The following CYYR1 variants were observed in gnomAD, a reference collection of about 807,000 sequenced individuals.
CYYR1 encodes cysteine and tyrosine-rich protein 1.
A neutral mutation model predicts 15.2 loss-of-function variants in CYYR1; 14 were observed. The ratio of observed to expected loss-of-function variants is 0.92; its 90% CI spans 0.61 to 1.44. The LOEUF (loss-of-function observed/expected upper bound fraction) is 1.44, where lower values mean the gene tolerates loss of function less well. Among genes scored for constraint, CYYR1 ranks in the 40% most tolerant of loss-of-function variants. The pLI, the probability that CYYR1 is intolerant of heterozygous loss-of-function variation, is 0.00. For missense variants in CYYR1, 228 were observed against 209.5 expected (o/e 1.09, Z -0.54); for synonymous variants, 80 against 77.4 (o/e 1.03, Z -0.18).
chr21:26,568,326 G>T (rs1442801503), intron 1 of CYYR1: 1 of 152,144 alleles, frequency 6.6e-6, no homozygotes, highest in Non-Finnish European at 1.5e-5. Context: ...ACAGCCATCT[G>T]ATCTTTGACA....
chr21:26,533,101 C>G (rs2065952909), intron 2 of CYYR1, among the ~76,000 whole-genome samples: 1 of 150,994 alleles, frequency 6.6e-6, no homozygotes, highest in Non-Finnish European at 1.5e-5. Context: ...ATCTCATGAG[C>G]CAATTCCCAT....
chr21:26,536,524 T>C (rs1978303366), intron 2 of CYYR1, among the ~76,000 whole-genome samples: 1 of 152,148 alleles, frequency 6.6e-6, no homozygotes, highest in Non-Finnish European at 1.5e-5. Context: ...TTAAACACCA[T>C]TGCCTCCATT....
intron 3 of CYYR1, chr21:26,470,608 G>C (rs1457724169): frequency 6.6e-6 from 1 of 152,374 alleles, no homozygotes; most frequent in Non-Finnish European, 1.5e-5. Context: ...AATTTCCTGA[G>C]GACTCGCCAG....
intron 2 of CYYR1, among the ~76,000 whole-genome samples, chr21:26,509,049 C>A (rs2065609137): frequency 6.6e-6 from 1 of 152,152 alleles, no homozygotes; most frequent in Admixed American, 6.5e-5. Flanking sequence ...AGAAATCAAA[C>A]CATATTGCTA....
At chr21:26,468,674 A>G (rs1227517981) in intron 3 of CYYR1, 40 bp from the exon 4 acceptor site, 19 of 1,466,872 alleles carry the variant, frequency 1.3e-5, no homozygotes, top group Admixed American at 1.9e-5. Flanking sequence ...GAGTTAGCAA[A>G]TATTTGCATT....
At position 26,466,479 on chromosome 21, in the gene CYYR1, C is replaced by T. The variant is rs1448928775; in HGVS notation, c.*2022G>A. The T allele has an allele frequency of 6.6e-6, 1 of 152,014 alleles. No individual in the cohort carries two copies. Among genetic ancestry groups the T allele is most frequent in the Non-Finnish European group, 1.5e-5 (1 of 67,998 alleles). 9.4% of individuals were successfully genotyped at this position (152,014 alleles called of 1,614,324 possible). ...GGTTTGTAAAATGCCTTAAGGGAGG[C>T]CATAAACAACTCAAAGAAGAGATGG... On this transcript the variant is annotated 3_prime_UTR_variant, in exon 4 of 4. Coordinates refer to ENST00000652641, the MANE Select transcript of CYYR1 (RefSeq NM_001320768.2).
At chr21:26,553,887 G>T (rs1316417391) in intron 2 of CYYR1, among the ~76,000 whole-genome samples, 1 of 152,156 alleles carries the variant, frequency 6.6e-6, no homozygotes, top group Non-Finnish European at 1.5e-5. Flanking sequence ...TGAATAAAAA[G>T]AAACTCATTT....
chr21:26,478,772 T>A (rs2065135336), intron 3 of CYYR1, among the ~76,000 whole-genome samples: 1 of 152,092 alleles, frequency 6.6e-6, no homozygotes, highest in Admixed American at 6.6e-5. Context: ...GTTCTCCTAC[T>A]AGGGGAGTAA....
intron 2 of CYYR1, among the ~76,000 whole-genome samples, chr21:26,554,895 A>C (rs971798100): frequency 3.9e-5 from 6 of 152,132 alleles, no homozygotes; most frequent in Non-Finnish European, 5.9e-5. Context: ...TTCCATGCCC[A>C]GCTTAAAACC....
chr21:26,521,841 A>T (rs1468212650), intron 2 of CYYR1, among the ~76,000 whole-genome samples: 1 of 152,214 alleles, frequency 6.6e-6, no homozygotes, highest in South Asian at 2.1e-4. Flanking sequence ...AAGAAAATTC[A>T]GTGCACTTCT....
At chr21:26,473,973 A>T (rs1168325437) in intron 3 of CYYR1, among the ~76,000 whole-genome samples, 1 of 150,460 alleles carries the variant, frequency 6.6e-6, no homozygotes, top group Non-Finnish European at 1.5e-5. Context: ...GCTATTATCT[A>T]TTCTTACTCT....
chr21:26,556,894 G>A (rs570832424), intron 2 of CYYR1, among the ~76,000 whole-genome samples: 1 of 152,204 alleles, frequency 6.6e-6, no homozygotes, highest in South Asian at 2.1e-4. Flanking sequence ...CAGATATAGT[G>A]GGTAAGAAAA....
At chr21:26,487,923 A>G (rs1410381846) in intron 2 of CYYR1, among the ~76,000 whole-genome samples, 1 of 151,640 alleles carries the variant, frequency 6.6e-6, no homozygotes. Context: ...TTGCAAAAAA[A>G]AAAAAAAATC....
At chr21:26,482,771 T>A (rs1190710109) in intron 2 of CYYR1, among the ~76,000 whole-genome samples, 1 of 152,134 alleles carries the variant, frequency 6.6e-6, no homozygotes, top group East Asian at 1.9e-4. Flanking sequence ...CTGTAAAGAA[T>A]TCCCATGGCA....
chr21:26,498,331 A>T (rs940404489), intron 2 of CYYR1, among the ~76,000 whole-genome samples: 23 of 152,348 alleles, frequency 1.5e-4, no homozygotes, highest in African/African-American at 5.3e-4. Flanking sequence ...ATCACGTCCA[A>T]ATTGTAAAGA....
At chr21:26,507,212 C>T (rs1001104132) in intron 2 of CYYR1, among the ~76,000 whole-genome samples, 1 of 152,172 alleles carries the variant, frequency 6.6e-6, no homozygotes, top group South Asian at 2.1e-4. Flanking sequence ...CCAGTTACAA[C>T]AGCATATTAT....
At chr21:26,505,704 G>A (rs1276930400) in intron 2 of CYYR1, among the ~76,000 whole-genome samples, 3 of 152,190 alleles carry the variant, frequency 2.0e-5, no homozygotes, top group African/African-American at 7.2e-5. Context: ...AAGCCACCTA[G>A]CTAATCATGA....
At chr21:26,551,889 C>T (rs1875393872) in intron 2 of CYYR1, 1 of 181,400 alleles carries the variant, frequency 5.5e-6, no homozygotes, top group Non-Finnish European at 1.1e-5. Flanking sequence ...TCAAACGCTA[C>T]CGAAGAGCGT....
chr21:26,468,664 G>T, intron 3 of CYYR1, 30 bp from the exon 4 acceptor site: 1 of 1,512,484 alleles, frequency 6.6e-7, no homozygotes, highest in Non-Finnish European at 9.0e-7. Flanking sequence ...GAACATCAAG[G>T]AGTTAGCAAA....
Sources: gnomAD v4.1 joint callset for allele counts (sites outside exome capture counted in the v4.1 genomes callset) on GRCh38, gnomAD v4.1.1 for gene constraint, MANE v1.5 for transcripts, NCBI Gene and HGNC (gene_info 2026-07-23, HGNC 2026-07-21) for gene names.